Variants in LRRC8B observed in about 807,000 individuals in gnomAD.
LRRC8B encodes volume-regulated anion channel subunit LRRC8B.
In LRRC8B, 23 loss-of-function variants were observed where a neutral mutation model predicts 58.8. That is an observed-to-expected ratio of 0.39 (90% confidence interval 0.28 to 0.55). The LOEUF is 0.55. Ranked by LOEUF, LRRC8B falls within the 20% of genes least tolerant of loss-of-function variation. The probability of loss-of-function intolerance (pLI) is 0.62; values close to 1 mark genes in which losing one functional copy is unlikely to be tolerated. For synonymous variants in LRRC8B, 359 were observed against 374.1 expected, an observed-to-expected ratio of 0.96 and a Z score of 0.47; for missense variants, 694 against 936.0, an observed-to-expected ratio of 0.74 and a Z score of 3.37.
intron 5 of LRRC8B, among the ~76,000 whole-genome samples, chr1:89,589,162 C>T (rs1654818697): frequency 6.6e-6 from 1 of 152,116 alleles, no homozygotes; most frequent in South Asian, 2.1e-4. Flanking sequence ...TTCTTCTGGT[C>T]CTTTGGAGAA....
At chr1:89,578,835 A>G (rs1046978496) in intron 3 of LRRC8B, among the ~76,000 whole-genome samples, 31 of 152,174 alleles carry the variant, frequency 2.0e-4, no homozygotes, top group African/African-American at 7.5e-4. Context: ...CACAGTTCAA[A>G]TTATCAATAT....
intron 3 of LRRC8B, among the ~76,000 whole-genome samples, chr1:89,574,639 A>G (rs1188907189): frequency 1.3e-5 from 2 of 152,204 alleles, no homozygotes; most frequent in Non-Finnish European, 2.9e-5. Flanking sequence ...ATTTCAAGAA[A>G]GAGACTAATT....
In LRRC8B at chr1:89,593,601, T is replaced by G. The variant is rs1223570600; in HGVS notation, c.*558T>G. 2.6e-5 allele frequency: 4 copies of G among 152,556 alleles called. No individual in the cohort carries two copies. Among genetic ancestry groups the G allele is most frequent in the Admixed American group, 6.5e-5 (1 of 15,326 alleles). The allele number at this position is 152,556 out of a possible 1,614,324, so 9.5% of individuals were successfully genotyped here. A position where few individuals can be genotyped will look rare whatever the true frequency, so the allele number is the denominator to read the frequency against. On this transcript the variant is annotated 3_prime_UTR_variant, in exon 6 of 6. Transcript: ENST00000330947. Reference sequence around the variant, plus strand: ...ATTGAGATGTTGCAAGAAATGCACATCCAGGGTGGACTGGGAGCTATGAAA... The same window carrying G: ...ATTGAGATGTTGCAAGAAATGCACAGCCAGGGTGGACTGGGAGCTATGAAA...
intron 1 of LRRC8B, among the ~76,000 whole-genome samples, chr1:89,554,933 G>A (rs1232377631): frequency 6.6e-6 from 1 of 152,114 alleles, no homozygotes; most frequent in Non-Finnish European, 1.5e-5. Flanking sequence ...TCTGTGTGTT[G>A]TGCAGCTGAT....
chr1:89,585,165 T>C lies in LRRC8B; in HGVS notation c.2139+376T>C, dbSNP rs567959277. ...AGGTATTTAGGGAGTTTGGCAAAAC[T>C]TTTCAGCTTTCCAAATCTGTCATAA... On this transcript the variant is annotated intron_variant, in intron 5 of 5. Coordinates refer to ENST00000330947, the MANE Select transcript of LRRC8B (RefSeq NM_001369817.2). Among the ~76,000 whole-genome samples the C allele has an allele frequency of 1.2e-4, 18 of 152,342 alleles. No homozygotes were observed. In the South Asian group the frequency reaches 3.7e-3, roughly 32 times the overall value.
chr1:89,587,203 A>G (rs944859909), intron 5 of LRRC8B, among the ~76,000 whole-genome samples: 7 of 152,210 alleles, frequency 4.6e-5, no homozygotes, highest in African/African-American at 1.7e-4. Flanking sequence ...CTCAGTAGGA[A>G]GGCTGTTAAA....
At chr1:89,530,859 G>A (rs913803852) in intron 1 of LRRC8B, among the ~76,000 whole-genome samples, 7 of 152,180 alleles carry the variant, frequency 4.6e-5, no homozygotes, top group Admixed American at 2.0e-4. Context: ...GGGAGGTGCC[G>A]TTTCTCCTTG....
intron 3 of LRRC8B, among the ~76,000 whole-genome samples, chr1:89,577,596 C>G (rs1435025274): frequency 1.3e-5 from 2 of 152,102 alleles, no homozygotes; most frequent in African/African-American, 4.8e-5. Flanking sequence ...CAAAAGATAG[C>G]TATGCTTAAA....
chr1:89,574,450 T>A (rs1282626644), intron 3 of LRRC8B, among the ~76,000 whole-genome samples: 1 of 152,154 alleles, frequency 6.6e-6, no homozygotes, highest in Admixed American at 6.6e-5. Flanking sequence ...GTACCCTTGT[T>A]TTATATTGAG....
intron 1 of LRRC8B, among the ~76,000 whole-genome samples, chr1:89,556,118 A>T (rs1652169832): frequency 6.6e-6 from 1 of 152,054 alleles, no homozygotes; most frequent in Non-Finnish European, 1.5e-5. Context: ...GGGACTGGAG[A>T]TTTTCAGTCA....
intron 5 of LRRC8B, chr1:89,588,040 CTGAT>C (rs1264014961): frequency 2.0e-5 from 3 of 152,188 alleles, no homozygotes; most frequent in Non-Finnish European, 4.4e-5. Context: ...GTCTGAGCAA[CTGAT>C]TGGCATAGCT....
At chr1:89,552,065 C>A (rs1456362085) in intron 1 of LRRC8B, among the ~76,000 whole-genome samples, 1 of 152,084 alleles carries the variant, frequency 6.6e-6, no homozygotes, top group East Asian at 1.9e-4. Flanking sequence ...CAGAGTAGCA[C>A]TAATATTCAG....
chr1:89,553,347 T>C (rs1651953232), intron 1 of LRRC8B, among the ~76,000 whole-genome samples: 1 of 152,194 alleles, frequency 6.6e-6, no homozygotes, highest in South Asian at 2.1e-4. Context: ...GATTGCATGG[T>C]GAGTGTCATA....
intron 1 of LRRC8B, among the ~76,000 whole-genome samples, chr1:89,531,587 G>T (rs191324058): frequency 6.6e-6 from 1 of 152,260 alleles, no homozygotes; most frequent in African/African-American, 2.4e-5. Context: ...AGAATAGATG[G>T]TAAATGTTTC....
chr1:89,525,142 C>T (rs149461497), intron 1 of LRRC8B, 120 bp downstream of exon 1: 2 of 152,276 alleles, frequency 1.3e-5, no homozygotes, highest in East Asian at 1.9e-4. Flanking sequence ...GTGCGGTTAC[C>T]TGTTCACGCC....
chr1:89,593,191 C>G lies in LRRC8B; in HGVS notation c.*148C>G, dbSNP rs996315038. On this transcript the variant is annotated 3_prime_UTR_variant, in exon 6 of 6. Coordinates refer to ENST00000330947, the MANE Select transcript of LRRC8B (RefSeq NM_001369817.2). ...GGAGTTCGAGACCAGTCTGGCCAAC[C>G]TGGTGAAACCCCATCTCTGCTAAAA... is the stretch of plus-strand genomic sequence containing the variant. 1.0e-5 allele frequency: 7 copies of G among 689,434 alleles called. No homozygotes were observed. The African/African-American group carries it at 1.1e-4, about 11-fold the overall frequency. The allele number at this position is 689,434 out of a possible 1,614,324, so 42.7% of individuals were successfully genotyped here. A position where few individuals can be genotyped will look rare whatever the true frequency, so the allele number is the denominator to read the frequency against.
intron 3 of LRRC8B, among the ~76,000 whole-genome samples, chr1:89,570,871 C>T (rs1188900510): frequency 6.6e-6 from 1 of 151,982 alleles, no homozygotes; most frequent in African/African-American, 2.4e-5. Flanking sequence ...GCCTTTAATC[C>T]ATTTTGAGTT....
intron 1 of LRRC8B, among the ~76,000 whole-genome samples, chr1:89,567,127 T>A (rs1478950509): frequency 2.6e-5 from 4 of 152,212 alleles, no homozygotes; most frequent in African/African-American, 9.6e-5. Context: ...CGGTCAGAAT[T>A]GCTTTAACAA....
chr1:89,560,927 G>A (rs985385531), intron 1 of LRRC8B, among the ~76,000 whole-genome samples: 22 of 152,048 alleles, frequency 1.4e-4, no homozygotes, highest in Non-Finnish European at 2.8e-4. Flanking sequence ...GGGTCAAATG[G>A]TAATTCTAGT....
Sources: gnomAD v4.1 joint callset for allele counts (sites outside exome capture counted in the v4.1 genomes callset) on GRCh38, gnomAD v4.1.1 for gene constraint, MANE v1.5 for transcripts, NCBI Gene and HGNC (gene_info 2026-07-23, HGNC 2026-07-21) for gene names.